Variants in AGBL4 observed in about 807,000 individuals in gnomAD.
AGBL4 encodes cytosolic carboxypeptidase 6.
Under a neutral mutation model 66.4 loss-of-function variants are expected in AGBL4, and 58 were observed. The observed-to-expected ratio is 0.87, with a 90% confidence interval of 0.71 to 1.09. AGBL4 has a LOEUF of 1.09. Ranked by LOEUF, AGBL4 falls within the 50% of genes least tolerant of loss-of-function variation. The pLI is 0.00. For missense variants in AGBL4, 579 were observed against 631.0 expected (o/e 0.92, Z 0.88); for synonymous variants, 234 against 222.9 (o/e 1.05, Z -0.44).
intron 3 of AGBL4, among the ~76,000 whole-genome samples, chr1:49,273,882 C>G (rs1001063028): frequency 2.6e-5 from 4 of 151,962 alleles, no homozygotes; most frequent in African/African-American, 9.7e-5. Flanking sequence ...CGGGGTTTCA[C>G]CGTGTTAGCC....
Position 49,261,885 on chromosome 1 carries a change from C to A in AGBL4, c.283-16021G>T, listed in dbSNP as rs1229163378. On this transcript the variant is annotated intron_variant, in intron 3 of 13. Transcript: ENST00000371839. ...TAAGCCAAAAGAACAAAGCTGGAGG[C>A]ATCACGCTACCTGACTTCAAACTAT... 3.3e-5 allele frequency among the ~76,000 whole-genome samples: 5 copies of A among 150,318 alleles called. No individual in the cohort carries two copies. In the South Asian group the frequency reaches 1.1e-3, roughly 33 times the overall value.
chr1:49,182,759 T>C (rs1337247005), intron 4 of AGBL4, among the ~76,000 whole-genome samples: 1 of 152,174 alleles, frequency 6.6e-6, no homozygotes, highest in African/African-American at 2.4e-5. Flanking sequence ...AGCTGCCTTA[T>C]ATCAGGCACT....
At chr1:49,963,783 T>C (rs1296511559) in intron 1 of AGBL4, among the ~76,000 whole-genome samples, 2 of 152,220 alleles carry the variant, frequency 1.3e-5, no homozygotes, top group East Asian at 1.9e-4. Context: ...TGACTATATA[T>C]TCCAGGAAAG....
chr1:48,709,423 A>G (rs986958022), intron 6 of AGBL4, among the ~76,000 whole-genome samples: 5 of 152,052 alleles, frequency 3.3e-5, no homozygotes, highest in African/African-American at 4.8e-5. Flanking sequence ...CCGAATAGAA[A>G]ACCAAAAACA....
At chr1:49,941,581 A>G (rs1377292562) in intron 1 of AGBL4, among the ~76,000 whole-genome samples, 1 of 152,142 alleles carries the variant, frequency 6.6e-6, no homozygotes, top group African/African-American at 2.4e-5. Context: ...CAACATAAGA[A>G]AATTAATAAA....
intron 6 of AGBL4, among the ~76,000 whole-genome samples, chr1:48,806,241 T>A (rs1214458979): frequency 1.3e-5 from 2 of 152,186 alleles, no homozygotes; most frequent in Non-Finnish European, 1.5e-5. Flanking sequence ...CCTGAATATT[T>A]GCCCTGTACT....
At position 49,984,033 on chromosome 1, in the gene AGBL4, T is replaced by C. The variant is rs972612748; in HGVS notation, c.34+39730A>G. Among the ~76,000 whole-genome samples the C allele has an allele frequency of 2.6e-5, 4 of 152,362 alleles. No individual in the cohort carries two copies. In the South Asian group the frequency reaches 6.2e-4, roughly 24 times the overall value. Reference sequence around the variant, plus strand: ...GAGACTGATAGAGCAGACTCTTCTATGGCAGTAAGATACCAAATTATATAC... The same window carrying C: ...GAGACTGATAGAGCAGACTCTTCTACGGCAGTAAGATACCAAATTATATAC... On this transcript the variant is annotated intron_variant, in intron 1 of 13. Transcript: ENST00000371839.
intron 5 of AGBL4, among the ~76,000 whole-genome samples, chr1:49,025,217 G>A (rs1455212047): frequency 5.3e-5 from 8 of 152,192 alleles, no homozygotes. Flanking sequence ...TCTGGAAGAG[G>A]AGTGAGTTGC....
chr1:48,616,817 A>T (rs1224704897), intron 9 of AGBL4, among the ~76,000 whole-genome samples: 2 of 152,234 alleles, frequency 1.3e-5, no homozygotes, highest in Non-Finnish European at 2.9e-5. Context: ...TTCCAACTTT[A>T]AAGGAGGCCT....
intron 4 of AGBL4, among the ~76,000 whole-genome samples, chr1:49,237,268 A>C (rs950789709): frequency 3.3e-5 from 5 of 151,092 alleles, no homozygotes; most frequent in African/African-American, 1.2e-4. Flanking sequence ...GTCTAAAAAA[A>C]ACTAAAAAAA....
chr1:48,813,314 G>C (rs1352657556), intron 6 of AGBL4, among the ~76,000 whole-genome samples: 1 of 152,118 alleles, frequency 6.6e-6, no homozygotes, highest in Admixed American at 6.5e-5. Context: ...TATTGTTTTA[G>C]AGAAATACAG....
intron 1 of AGBL4, among the ~76,000 whole-genome samples, chr1:49,942,222 T>C (rs532846539): frequency 2.2e-4 from 34 of 152,188 alleles, no homozygotes; most frequent in African/African-American, 7.0e-4. Context: ...CTCATGTCGA[T>C]AGACCGGGAA....
chr1:48,729,468 C>T (rs187860561), intron 6 of AGBL4, among the ~76,000 whole-genome samples: 49 of 152,202 alleles, frequency 3.2e-4, no homozygotes, highest in African/African-American at 1.2e-3. Context: ...TGAGGAATTG[C>T]TATGGAGAAC....
intron 3 of AGBL4, among the ~76,000 whole-genome samples, chr1:49,506,985 A>G (rs1648748135): frequency 6.6e-6 from 1 of 151,902 alleles, no homozygotes. Flanking sequence ...TTTGGGCTGG[A>G]TCTGAAATGG....
chr1:50,010,200 G>C (rs924039612), intron 1 of AGBL4, among the ~76,000 whole-genome samples: 5 of 151,742 alleles, frequency 3.3e-5, no homozygotes, highest in Admixed American at 2.0e-4. Context: ...CCAGCTACTC[G>C]GGAGGCTGAG....
intron 9 of AGBL4, among the ~76,000 whole-genome samples, chr1:48,623,474 G>A (rs892936078): frequency 6.6e-6 from 1 of 152,250 alleles, no homozygotes; most frequent in African/African-American, 2.4e-5. Flanking sequence ...TGGAAGGAGT[G>A]ATTAGCCTGG....
intron 3 of AGBL4, among the ~76,000 whole-genome samples, chr1:49,465,187 G>T (rs1367454708): frequency 7.0e-6 from 1 of 143,396 alleles, no homozygotes; most frequent in African/African-American, 2.6e-5. Flanking sequence ...AACCCTGACT[G>T]TATTCCCTAC....
chr1:49,624,036 CAT>C (rs1237673921), intron 3 of AGBL4, among the ~76,000 whole-genome samples: 1 of 147,536 alleles, frequency 6.8e-6, no homozygotes, highest in Non-Finnish European at 1.5e-5. Context: ...TGTGTGTACA[CAT>C]GTGATGTGAG....
At chr1:49,912,289 G>A (rs566174450) in intron 1 of AGBL4, among the ~76,000 whole-genome samples, 1 of 152,234 alleles carries the variant, frequency 6.6e-6, no homozygotes, top group South Asian at 2.1e-4. Flanking sequence ...ATCCTGAGAG[G>A]GATTAGTCTC....
Sources: gnomAD v4.1 joint callset for allele counts (sites outside exome capture counted in the v4.1 genomes callset) on GRCh38, gnomAD v4.1.1 for gene constraint, MANE v1.5 for transcripts, NCBI Gene and HGNC (gene_info 2026-07-23, HGNC 2026-07-21) for gene names.